The following FCSK variants were observed in gnomAD, a reference collection of about 807,000 sequenced individuals.
FCSK encodes the protein fucose kinase.
Under a neutral mutation model 122.5 loss-of-function variants are expected in FCSK, and 123 were observed. That is an observed-to-expected ratio of 1.00 (90% CI 0.87 to 1.17). FCSK has a LOEUF of 1.17. Among genes scored for constraint, FCSK ranks in the 50% most tolerant of loss-of-function variants. FCSK has a pLI of 0.00. For missense variants in FCSK, 1,366 were observed against 1,450.4 expected (o/e 0.94, Z 0.95); for synonymous variants, 620 against 625.5 (o/e 0.99, Z 0.13).
At chr16:70,455,888 CAAA>C (rs1198596857) in intron 1 of FCSK, among the ~76,000 whole-genome samples, 1 of 115,282 alleles carries the variant, frequency 8.7e-6, no homozygotes, top group Non-Finnish European at 1.9e-5. Context: ...GAGACTGTCT[CAAA>C]AAAAAAAAAA....
chr16:70,463,720 C>T lies in FCSK; in HGVS notation c.180C>T (p.Thr60=), dbSNP rs774825950. Residue 60 remains threonine, a synonymous_variant, in exon 3 of 24, where the codon ACC becomes ACT. Transcript: ENST00000288078. ...PEKRVGSGGA[T]LNALLVAAEH... is the part of the protein sequence containing the mutation. ...AGCGTGTGGGCAGCGGAGGAGCCAC[C>T]CTCAACGCCCTGCTGGTGGCTGCTG... is the stretch of plus-strand genomic sequence containing the variant. 2.5e-6 allele frequency: 4 copies of T among 1,612,632 alleles called. No homozygotes were observed. The highest frequency in any genetic ancestry group is 1.3e-5 in the African/African-American group (1 of 74,972).
rs1267399248 is a variant in FCSK at position 70,467,981 on chromosome 16, C to T, written c.663+15C>T. The T allele has an allele frequency of 1.2e-6, 2 of 1,610,080 alleles. No individual in the cohort carries two copies. On this transcript the variant is annotated intron_variant, in intron 8 of 23. Coordinates refer to ENST00000288078, the MANE Select transcript of FCSK (RefSeq NM_145059.3). The stretch of plus-strand genomic sequence containing the variant: ...GGGTGCCACTGGTATGGCTGCTGGG[C>T]CCAGGTTGCGGGGCTTTGGGGACCT...
In FCSK at chr16:70,479,819, C is replaced by G. The variant is rs1421841655; in HGVS notation, c.*139C>G. On this transcript the variant is annotated 3_prime_UTR_variant, in exon 24 of 24. Coordinates refer to ENST00000288078, the MANE Select transcript of FCSK (RefSeq NM_145059.3). ...CAAAGGAAGCTGACCAGAGCAAGATCTGGGCAAGCAGAGAGTGCCTGGGAC... is the reference window on the plus strand; with the variant it reads ...CAAAGGAAGCTGACCAGAGCAAGATGTGGGCAAGCAGAGAGTGCCTGGGAC... 1.6e-6 allele frequency: 1 copy of G among 639,378 alleles called. No homozygotes were observed. The highest frequency in any genetic ancestry group is 2.7e-6 in the Non-Finnish European group (1 of 369,284). 39.6% of individuals were successfully genotyped at this position (639,378 alleles called of 1,614,324 possible). A position where few individuals can be genotyped will look rare whatever the true frequency, so the allele number is the denominator to read the frequency against.
chr16:70,474,964 G>A lies in FCSK; in HGVS notation c.2330G>A (p.Cys777Tyr). The A allele has an allele frequency of 5.6e-6, 9 of 1,610,922 alleles. No individual in the cohort carries two copies. Among genetic ancestry groups the A allele is most frequent in the Non-Finnish European group, 7.6e-6 (9 of 1,179,080 alleles). ...GATGAGATGACTGTGAAGATAGTGT[G>A]CCGGTGCCTGGCTGACCTGCGGGAC... ...RQDEMTVKIV[C>Y]RCLADLRDYC... is the part of the protein sequence containing the mutation. Residue 777 changes from cysteine to tyrosine, a missense_variant, in exon 18 of 24, where the codon TGC becomes TAC. Physicochemically the swap from Cys to Tyr is radical, Grantham distance 194. Transcript: ENST00000288078.
chr16:70,478,279 C>T lies in FCSK; in HGVS notation c.2649C>T (p.Gly883=), dbSNP rs752116068. 1.9e-6 allele frequency: 3 copies of T among 1,613,898 alleles called. No homozygotes were observed. The Admixed American group carries it at 5.0e-5, about 27-fold the overall frequency. ...CAGTCCCTGGGCTCACAGGAGGTGG[C>T]TGGCAGGACCAAGTAGGTGGCCTAA... ...HLEQVLTTGG[G]WQDQVGGLMP... Residue 883 remains glycine (G), a synonymous_variant, in exon 21 of 24, where the codon GGC becomes GGT. Transcript: ENST00000288078.
chr16:70,476,755 A>G (rs1388343164), intron 20 of FCSK, among the ~76,000 whole-genome samples: 1 of 152,214 alleles, frequency 6.6e-6, no homozygotes, highest in East Asian at 1.9e-4. Flanking sequence ...CTCATATCCC[A>G]TAATCGGTAG....
chr16:70,474,950 T>C lies in FCSK; in HGVS notation c.2316T>C (p.Thr772=). ...LAVGPRQDEM[T]VKIVCRCLAD... is the part of the protein sequence containing the mutation. The stretch of plus-strand genomic sequence containing the variant: ...TGGGGCCTCGGCAGGATGAGATGAC[T>C]GTGAAGATAGTGTGCCGGTGCCTGG... The change falls in exon 18 of 24, where the codon ACT becomes ACC. Residue 772 remains threonine (T), a synonymous_variant. Coordinates refer to ENST00000288078, the MANE Select transcript of FCSK (RefSeq NM_145059.3). The C allele has an allele frequency of 6.2e-7, 1 of 1,611,688 alleles. No homozygotes were observed. Among genetic ancestry groups the C allele is most frequent in the East Asian group, 2.2e-5 (1 of 44,828 alleles).
intron 1 of FCSK, among the ~76,000 whole-genome samples, chr16:70,455,510 A>ACAG: frequency 6.6e-6 from 1 of 151,148 alleles, no homozygotes; most frequent in Non-Finnish European, 1.5e-5. Flanking sequence ...CAAACCAACA[A>ACAG]CAACAACAAC....
chr16:70,474,377 C>T (rs1249426293), intron 16 of FCSK, 38 bp downstream of exon 16: 1 of 1,598,822 alleles, frequency 6.3e-7, no homozygotes, highest in Non-Finnish European at 8.5e-7. Flanking sequence ...TGGATAAGCC[C>T]CTTGCTGTCT....
In FCSK at chr16:70,473,439, G is replaced by A; in HGVS notation, c.1777+86G>A. 7.1e-7 allele frequency: 1 copy of A among 1,399,282 alleles called. No individual in the cohort carries two copies. The highest frequency in any genetic ancestry group is 9.4e-7 in the Non-Finnish European group (1 of 1,066,582). The allele number at this position is 1,399,282 out of a possible 1,614,324, so 86.7% of individuals were successfully genotyped here. On this transcript the variant is annotated intron_variant, in intron 15 of 23. Coordinates refer to ENST00000288078, the MANE Select transcript of FCSK (RefSeq NM_145059.3). The surrounding 1 kb of genome is among the most constrained non-coding windows in gnomAD (Gnocchi z 4.9). ...TCTGGGCCATCCCCTGAGGGGACTA[G>A]GGGACCATGAGGTGCTCAAGCAGGG...
At chr16:70,474,425 T>C (rs1005286547) in intron 16 of FCSK, 86 bp downstream of exon 16, 2 of 1,551,634 alleles carry the variant, frequency 1.3e-6, no homozygotes, top group African/African-American at 2.7e-5. Flanking sequence ...CAGAGAGAGG[T>C]GGGGCTCCCT....
chr16:70,460,330 C>G (rs1484971948), intron 1 of FCSK, among the ~76,000 whole-genome samples: 2 of 151,344 alleles, frequency 1.3e-5, no homozygotes, highest in East Asian at 3.9e-4. Context: ...CCAGGATGGT[C>G]TCGATCTCCT....
intron 1 of FCSK, among the ~76,000 whole-genome samples, chr16:70,455,884 G>A (rs1396611272): frequency 6.8e-6 from 1 of 147,964 alleles, no homozygotes; most frequent in African/African-American, 2.6e-5. Context: ...GAGGGAGACT[G>A]TCTCAAAAAA....
chr16:70,467,936 G>T lies in FCSK; in HGVS notation c.633G>T (p.Arg211=). ...AGGGCACTGAGGCAGAGATTCAGCG[G>T]TGTGTCAGGCCTGATGGGCGGGTGC... ...YYQGTEAEIQ[R]CVRPDGRVPL... The change falls in exon 8 of 24, where the codon CGG becomes CGT. Residue 211 remains arginine (R), a synonymous_variant. Transcript: ENST00000288078. 6.2e-7 allele frequency: 1 copy of T among 1,614,200 alleles called. No individual in the cohort carries two copies. Among genetic ancestry groups the T allele is most frequent in the Non-Finnish European group, 8.5e-7 (1 of 1,180,022 alleles).
In FCSK at chr16:70,469,320, A is replaced by G. The variant is rs1365135744; in HGVS notation, c.952A>G (p.Met318Val). The change falls in exon 10 of 24, where the codon ATG becomes GTG. Residue 318 changes from methionine (M) to valine (V), a missense_variant. Physicochemically the swap from Met to Val is conservative, Grantham distance 21 (BLOSUM62 1). Coordinates refer to ENST00000288078, the MANE Select transcript of FCSK (RefSeq NM_145059.3). ...GGAGCTTCGCGATCAGCCCCTTACC[A>G]TGGGTGGGTACTGCCTCTCAGCTCC... Reference protein sequence around the residue: ...WRELRDQPLTMAYVSSGSYSY... With the variant: ...WRELRDQPLTVAYVSSGSYSY... The G allele has an allele frequency of 3.1e-6, 5 of 1,592,244 alleles. No homozygotes were observed. Among genetic ancestry groups the G allele is most frequent in the South Asian group, 1.1e-5 (1 of 88,376 alleles).
intron 20 of FCSK, among the ~76,000 whole-genome samples, chr16:70,476,010 T>C (rs182625434): frequency 4.2e-4 from 64 of 151,506 alleles, no homozygotes; most frequent in Non-Finnish European, 7.5e-4. Flanking sequence ...CTGTGCCCTT[T>C]TTTTTTTTTT....
intron 22 of FCSK, chr16:70,478,858 C>T (rs747198103): frequency 7.1e-6 from 5 of 700,928 alleles, no homozygotes; most frequent in South Asian, 6.0e-5. Flanking sequence ...GAAAGGCCCT[C>T]CAGCCCTAAC....
chr16:70,456,836 T>C lies in FCSK; in HGVS notation c.-23+2206T>C, dbSNP rs2048105854. Among the ~76,000 whole-genome samples the C allele has an allele frequency of 2.0e-5, 3 of 152,162 alleles. No individual in the cohort carries two copies. The Middle Eastern group carries it at 0.01, about 518-fold the overall frequency. ...GAGTTTGAGACCAGCCTGGCCAGCA[T>C]GGTGAAACCCCGTCTCTACTAAAAA... On this transcript the variant is annotated intron_variant, in intron 1 of 23. Transcript: ENST00000288078.
chr16:70,468,071 G>C (rs2048481859), intron 8 of FCSK, 105 bp downstream of exon 8: 6 of 863,166 alleles, frequency 7.0e-6, no homozygotes, highest in South Asian at 1.4e-5. Flanking sequence ...GGACAAGCTA[G>C]AGCTAGAATC....
Sources: gnomAD v4.1 joint callset for allele counts (sites outside exome capture counted in the v4.1 genomes callset) on GRCh38, gnomAD v4.1.1 for gene constraint, Gnocchi (gnomAD v3.1) non-coding constraint, MANE v1.5 for transcripts, NCBI Gene and HGNC (gene_info 2026-07-23, HGNC 2026-07-21) for gene names.